The following FBLN7 variants were observed in gnomAD, a reference collection of about 807,000 sequenced individuals.
FBLN7 encodes the protein fibulin 7.
Under a neutral mutation model 44.0 loss-of-function variants are expected in FBLN7, and 31 were observed. The ratio of observed to expected loss-of-function variants is 0.70; its 90% CI spans 0.53 to 0.95. FBLN7 has a LOEUF of 0.95. Ranked by LOEUF, FBLN7 falls within the 40% of genes least tolerant of loss-of-function variation. The pLI, the probability that FBLN7 is intolerant of heterozygous loss-of-function variation, is 0.00. For synonymous variants in FBLN7, 262 were observed against 253.4 expected (o/e 1.03, Z -0.32); for missense variants, 573 against 618.5 (o/e 0.93, Z 0.78).
the FBLN7 span, among the ~76,000 whole-genome samples, chr2:112,233,684 G>T: frequency 2.0e-5 from 3 of 152,016 alleles, no homozygotes; most frequent in Non-Finnish European, 4.4e-5. Context: ...TGGCTAACAC[G>T]GTGAAACCTC....
chr2:112,138,525 C>A lies in FBLN7; in HGVS notation c.-131C>A, dbSNP rs528831011. ...GCGCTCGGGGCCTCCCGCCTCCCCCCCTGCCCCAGCCGCCCCCCGGCCGCG... is the reference window on the plus strand; with the variant it reads ...GCGCTCGGGGCCTCCCGCCTCCCCCACTGCCCCAGCCGCCCCCCGGCCGCG... On this transcript the variant is annotated 5_prime_UTR_variant, in exon 1 of 8. Transcript: ENST00000331203. The A allele has an allele frequency of 2.4e-3, 3,178 of 1,343,918 alleles. 7 individuals carry two copies. Among genetic ancestry groups the A allele is most frequent in the South Asian group, 2.8e-3 (206 of 73,430 alleles). 83.2% of individuals were successfully genotyped at this position (1,343,918 alleles called of 1,614,324 possible).
chr2:112,201,664 C>T, the FBLN7 span, among the ~76,000 whole-genome samples: 3 of 152,322 alleles, frequency 2.0e-5, no homozygotes, highest in South Asian at 4.1e-4. Flanking sequence ...CACATCATCT[C>T]CCCAACTTAG....
the FBLN7 span, among the ~76,000 whole-genome samples, chr2:112,218,909 C>T: frequency 2.0e-5 from 3 of 152,102 alleles, no homozygotes; most frequent in South Asian, 6.2e-4. Flanking sequence ...GGAGGTGAGA[C>T]TTGTGTAACA....
chr2:112,177,654 C>T (rs1282196642), intron 4 of FBLN7: 1 of 152,108 alleles, frequency 6.6e-6, no homozygotes, highest in Non-Finnish European at 1.5e-5. Flanking sequence ...TTCTTTTTGT[C>T]TTGCAAAACT....
intron 5 of FBLN7, 184 bp downstream of exon 5, chr2:112,182,060 C>G: frequency 1.3e-6 from 1 of 745,832 alleles, no homozygotes; most frequent in Non-Finnish European, 2.0e-6. Flanking sequence ...AGCTAATTCA[C>G]AGAAATCAGA....
At chr2:112,234,715 G>A in the FBLN7 span, among the ~76,000 whole-genome samples, 4 of 151,740 alleles carry the variant, frequency 2.6e-5, no homozygotes, top group South Asian at 8.3e-4. Context: ...CAGGAGAATC[G>A]CTTGAACCCA....
intron 3 of FBLN7, among the ~76,000 whole-genome samples, chr2:112,173,968 C>T (rs565124830): frequency 1.3e-5 from 2 of 152,330 alleles, no homozygotes; most frequent in East Asian, 3.9e-4. Flanking sequence ...TCTGCTGCAC[C>T]GATGATCCCC....
chr2:112,243,755 GTC>G, the FBLN7 span, among the ~76,000 whole-genome samples: 1 of 151,986 alleles, frequency 6.6e-6, no homozygotes, highest in African/African-American at 2.4e-5. Flanking sequence ...AATATTTATT[GTC>G]TTGTCCTTTA....
the FBLN7 span, among the ~76,000 whole-genome samples, chr2:112,244,592 G>A: frequency 6.6e-6 from 1 of 152,088 alleles, no homozygotes; most frequent in Admixed American, 6.5e-5. Flanking sequence ...AAGGTCTGTG[G>A]CAACCCTGCA....
chr2:112,236,135 G>T, the FBLN7 span, among the ~76,000 whole-genome samples: 2 of 151,946 alleles, frequency 1.3e-5, no homozygotes, highest in Non-Finnish European at 2.9e-5. Context: ...ATGGTGGCGG[G>T]CGCCTGTAGT....
intron 2 of FBLN7, among the ~76,000 whole-genome samples, chr2:112,163,263 C>T (rs895283365): frequency 4.6e-5 from 7 of 152,232 alleles, no homozygotes; most frequent in East Asian, 1.9e-4. Context: ...AGGCCCATCA[C>T]GCTCCTTAAT....
the FBLN7 span, among the ~76,000 whole-genome samples, chr2:112,232,173 A>G: frequency 4.6e-5 from 7 of 152,098 alleles, no homozygotes; most frequent in East Asian, 1.4e-3. Context: ...TTAGCTGGGC[A>G]TGGTGGCGCA....
chr2:112,225,056 G>C, the FBLN7 span, among the ~76,000 whole-genome samples: 1 of 152,124 alleles, frequency 6.6e-6, no homozygotes, highest in Non-Finnish European at 1.5e-5. Flanking sequence ...GAATGAAATT[G>C]TTTAAACTTC....
the FBLN7 span, among the ~76,000 whole-genome samples, chr2:112,235,289 G>A: frequency 6.6e-6 from 1 of 152,114 alleles, no homozygotes; most frequent in Admixed American, 6.5e-5. Context: ...TTTAAATCTT[G>A]TTTTATTTGG....
chr2:112,158,859 G>T (rs1681573592), intron 1 of FBLN7, among the ~76,000 whole-genome samples: 1 of 152,156 alleles, frequency 6.6e-6, no homozygotes, highest in African/African-American at 2.4e-5. Flanking sequence ...ACAGGCATGA[G>T]CCACCGTACC....
At chr2:112,180,431 T>C (rs867402029) in intron 4 of FBLN7, among the ~76,000 whole-genome samples, 6 of 152,176 alleles carry the variant, frequency 3.9e-5, no homozygotes, top group African/African-American at 1.4e-4. Flanking sequence ...GAAAGCAGTA[T>C]GGTGATTCCT....
intron 2 of FBLN7, among the ~76,000 whole-genome samples, chr2:112,160,078 C>T (rs1681662221): frequency 6.6e-6 from 1 of 152,192 alleles, no homozygotes; most frequent in South Asian, 2.1e-4. Context: ...GCAAGCTCCG[C>T]CTCCCGGGTT....
intron 1 of FBLN7, chr2:112,152,466 C>T (rs1439448204): frequency 6.6e-6 from 1 of 152,196 alleles, no homozygotes; most frequent in East Asian, 1.9e-4. Context: ...GGGTGCAGAG[C>T]CCCAAAGGGA....
chr2:112,220,044 T>C, the FBLN7 span, among the ~76,000 whole-genome samples: 6 of 152,240 alleles, frequency 3.9e-5, no homozygotes, highest in Non-Finnish European at 7.3e-5. Context: ...AAGGGCGTCA[T>C]TGCATGTGAG....
Sources: gnomAD v4.1 joint callset for allele counts (sites outside exome capture counted in the v4.1 genomes callset) on GRCh38, gnomAD v4.1.1 for gene constraint, MANE v1.5 for transcripts, NCBI Gene and HGNC (gene_info 2026-07-23, HGNC 2026-07-21) for gene names.